The following ANO3 variants were observed in gnomAD, a reference collection of about 807,000 sequenced individuals.
ANO3 encodes anoctamin-3.
A neutral mutation model predicts 144.8 loss-of-function variants in ANO3; 99 were observed. That is an observed-to-expected ratio of 0.68 (90% CI 0.58 to 0.81). ANO3 has a LOEUF of 0.81. Ranked by LOEUF, ANO3 falls within the 30% of genes least tolerant of loss-of-function variation. ANO3 has a pLI of 0.00. For missense variants in ANO3, 905 were observed against 1,202.2 expected, an observed-to-expected ratio of 0.75 and a Z score of 3.66; for synonymous variants, 414 against 392.6, an observed-to-expected ratio of 1.05 and a Z score of -0.64.
chr11:26,523,974 A>G (rs1565077832), intron 6 of ANO3, among the ~76,000 whole-genome samples: 1 of 152,288 alleles, frequency 6.6e-6, no homozygotes, highest in East Asian at 1.9e-4. Flanking sequence ...ATTTTATACC[A>G]ATTTCCATAT....
At chr11:26,642,342 C>CTTTTTTTTTTTTTTT (rs576729432) in intron 22 of ANO3, among the ~76,000 whole-genome samples, 2 of 93,064 alleles carry the variant, frequency 2.1e-5, no homozygotes, top group African/African-American at 8.4e-5. Context: ...TTCTTTCTTT[C>CTTTTTTTTTTTTTTT]TTTTTTTTTT....
At chr11:26,207,190 CTTATG>C (rs1186489603) in intron 1 of ANO3, among the ~76,000 whole-genome samples, 3 of 151,880 alleles carry the variant, frequency 2.0e-5, no homozygotes, top group African/African-American at 7.3e-5. Context: ...TAGGGTATAT[CTTATG>C]TTAAGTGTTC....
At chr11:26,249,822 G>C (rs1031153710) in intron 1 of ANO3, among the ~76,000 whole-genome samples, 1 of 151,938 alleles carries the variant, frequency 6.6e-6, no homozygotes, top group African/African-American at 2.4e-5. Flanking sequence ...AATAAAAAAC[G>C]CTTCAGTAGC....
chr11:26,308,856 T>C (rs1480586265), upstream of ANO3, among the ~76,000 whole-genome samples: 1 of 152,220 alleles, frequency 6.6e-6, no homozygotes, highest in African/African-American at 2.4e-5. Context: ...CCCAGGGATT[T>C]AGCATGCACA....
At chr11:26,471,308 G>C (rs1859773619) in intron 4 of ANO3, among the ~76,000 whole-genome samples, 2 of 151,776 alleles carry the variant, frequency 1.3e-5, no homozygotes, top group South Asian at 4.1e-4. Flanking sequence ...CTGAAGTAAG[G>C]CAGCTCTAAA....
chr11:26,323,945 G>A (rs1590260421), intron 1 of ANO3, among the ~76,000 whole-genome samples: 1 of 152,326 alleles, frequency 6.6e-6, no homozygotes, highest in East Asian at 1.9e-4. Context: ...CACAGTAGCT[G>A]TGAAAACCAG....
At chr11:26,499,785 C>T (rs760542363) in intron 4 of ANO3, among the ~76,000 whole-genome samples, 13 of 151,776 alleles carry the variant, frequency 8.6e-5, no homozygotes, top group South Asian at 2.1e-4. Flanking sequence ...TTTGTAATTA[C>T]GTTTAGCAGC....
rs184742159 is a variant in ANO3 at position 26,576,811 on chromosome 11, C to T, written c.1447+17032C>T. On this transcript the variant is annotated intron_variant, in intron 14 of 26. Transcript: ENST00000256737. ...CTTTATCCACAGGGTTAGACTAATG[C>T]CTTGCACAGAGTAAATGCTGGATAA... 2.3e-4 allele frequency among the ~76,000 whole-genome samples: 35 copies of T among 152,168 alleles called. No homozygotes were observed. The East Asian group carries it at 6.6e-3, about 29-fold the overall frequency.
chr11:26,607,303 G>A (rs1219965789), intron 17 of ANO3, among the ~76,000 whole-genome samples: 4 of 152,078 alleles, frequency 2.6e-5, no homozygotes, highest in African/African-American at 7.2e-5. Context: ...GTGTCTTCGG[G>A]TTAATCCTCT....
At chr11:26,319,145 A>G (rs1316897340) in intron 1 of ANO3, among the ~76,000 whole-genome samples, 1 of 135,556 alleles carries the variant, frequency 7.4e-6, no homozygotes, top group Admixed American at 7.0e-5. Flanking sequence ...TCCAGATAAC[A>G]TTATTATTAT....
At chr11:26,442,895 T>C (rs985522383) in intron 2 of ANO3, among the ~76,000 whole-genome samples, 9 of 151,980 alleles carry the variant, frequency 5.9e-5, no homozygotes, top group Admixed American at 1.3e-4. Context: ...GCCTCCTGAG[T>C]ACTGGGATTA....
intron 4 of ANO3, among the ~76,000 whole-genome samples, chr11:26,507,350 T>C (rs144490656): frequency 0.022 from 3,364 of 152,268 alleles, 64 homozygotes; most frequent in Non-Finnish European, 0.035. Flanking sequence ...AGGAATTTGG[T>C]TGAAAATTGG....
chr11:26,209,360 A>G (rs1041002960), intron 1 of ANO3, among the ~76,000 whole-genome samples: 1 of 152,274 alleles, frequency 6.6e-6, no homozygotes, highest in South Asian at 2.1e-4. Flanking sequence ...TCCATTTTGT[A>G]TATGTGCCAC....
At chr11:26,400,607 T>C (rs984850381) in intron 1 of ANO3, among the ~76,000 whole-genome samples, 2 of 151,922 alleles carry the variant, frequency 1.3e-5, no homozygotes, top group African/African-American at 4.8e-5. Context: ...CCATAATTTG[T>C]CTTTAATATT....
intron 1 of ANO3, among the ~76,000 whole-genome samples, chr11:26,339,988 C>T (rs969150404): frequency 6.6e-6 from 1 of 152,178 alleles, no homozygotes; most frequent in Non-Finnish European, 1.5e-5. Context: ...CACCTCCTCA[C>T]TATAACCAAG....
intron 4 of ANO3, among the ~76,000 whole-genome samples, chr11:26,483,540 C>T (rs929804989): frequency 6.6e-6 from 1 of 152,146 alleles, no homozygotes; most frequent in African/African-American, 2.4e-5. Context: ...GACATGCTGC[C>T]TTCCTCTTTG....
intron 3 of ANO3, among the ~76,000 whole-genome samples, chr11:26,453,700 A>G (rs1391058786): frequency 1.3e-5 from 2 of 152,200 alleles, no homozygotes; most frequent in South Asian, 2.1e-4. Context: ...GGATACCCAC[A>G]AATTGAACTC....
intron 1 of ANO3, among the ~76,000 whole-genome samples, chr11:26,218,195 A>G (rs1310159995): frequency 1.3e-5 from 2 of 152,138 alleles, no homozygotes; most frequent in Non-Finnish European, 2.9e-5. Flanking sequence ...CTATATGCCA[A>G]AGCAGATTAG....
intron 24 of ANO3, among the ~76,000 whole-genome samples, chr11:26,655,723 A>G (rs1017817162): frequency 6.6e-6 from 1 of 152,186 alleles, no homozygotes. Flanking sequence ...GAATAAATAT[A>G]TATGTTTAAT....
Sources: allele counts gnomAD v4.1 joint callset (sites outside exome capture counted in the v4.1 genomes callset), GRCh38; gene constraint gnomAD v4.1.1; transcripts MANE v1.5; gene names NCBI Gene and HGNC (gene_info 2026-07-23, HGNC 2026-07-21).